CHD1L: variants seen among roughly 807,000 people sequenced by gnomAD.
The protein encoded by CHD1L is ATP-dependent chromatin remodeler CHD1L.
Under a neutral mutation model 115.9 loss-of-function variants are expected in CHD1L, and 118 were observed. That is an observed-to-expected ratio of 1.02 (90% CI 0.88 to 1.19). The LOEUF (loss-of-function observed/expected upper bound fraction) is 1.19, where lower values mean the gene tolerates loss of function less well. Ranked by LOEUF, CHD1L falls within the 50% of genes most tolerant of loss-of-function variation. The pLI is 0.00. For synonymous variants in CHD1L, 411 were observed against 387.1 expected (o/e 1.06, Z -0.72); for missense variants, 1,179 against 1,065.3 (o/e 1.11, Z -1.49).
In CHD1L at chr1:147,268,841, C is replaced by T; in HGVS notation, c.1048C>T (p.His350Tyr). The T allele has an allele frequency of 6.2e-7, 1 of 1,613,702 alleles. No homozygotes were observed. The highest frequency in any genetic ancestry group is 8.5e-7 in the Non-Finnish European group (1 of 1,179,726). ...DHLTEASGKL[H>Y]LLDKLLAFLY... is the part of the protein sequence containing the mutation. ...CCTGACTGAGGCTAGTGGGAAGCTT[C>T]ACCTGCTGGATAAGCTACTAGCATT... The change falls in exon 10 of 23, where the codon CAC (histidine) becomes TAC (tyrosine). Residue 350 changes from histidine to tyrosine, a missense_variant. By Grantham distance (83) the His-to-Tyr change is moderately conservative. Transcript: ENST00000369258.
At chr1:147,204,384 A>ATT in the CHD1L span, 1 of 1,066,564 alleles carries the variant, frequency 9.4e-7, no homozygotes, top group Non-Finnish European at 1.5e-6. Flanking sequence ...ATGCCTGAAC[A>ATT]ATAAGCTTGG....
intron 12 of CHD1L, among the ~76,000 whole-genome samples, chr1:147,273,664 T>G (rs1043914656): frequency 2.0e-5 from 3 of 152,226 alleles, no homozygotes; most frequent in Non-Finnish European, 2.9e-5. Flanking sequence ...CATCCTCATA[T>G]TCAGAGAGCA....
the CHD1L span, among the ~76,000 whole-genome samples, chr1:147,222,189 G>T: frequency 4.6e-5 from 7 of 152,142 alleles, no homozygotes; most frequent in Admixed American, 1.3e-4. Flanking sequence ...GGCCAACATG[G>T]TGAAACCCCA....
chr1:147,214,696 A>G, the CHD1L span: 7 of 152,140 alleles, frequency 4.6e-5, no homozygotes, highest in East Asian at 1.2e-3. Flanking sequence ...TGGGTTCAAC[A>G]TCTTTCCTCC....
chr1:147,249,225 T>C (rs1667580091), intron 1 of CHD1L, among the ~76,000 whole-genome samples: 1 of 152,168 alleles, frequency 6.6e-6, no homozygotes, highest in Non-Finnish European at 1.5e-5. Flanking sequence ...TCTTTCGATA[T>C]TTGAAACATG....
chr1:147,290,438 T>C (rs1296397119), intron 19 of CHD1L, among the ~76,000 whole-genome samples: 1 of 152,172 alleles, frequency 6.6e-6, no homozygotes, highest in Non-Finnish European at 1.5e-5. Context: ...GAATCAGTTA[T>C]CCTTGGCTAC....
At chr1:147,269,731 A>G (rs979025676) in intron 10 of CHD1L, among the ~76,000 whole-genome samples, 1 of 151,562 alleles carries the variant, frequency 6.6e-6, no homozygotes, top group Admixed American at 6.6e-5. Context: ...TTCAGCTTAT[A>G]CCTAATCCTC....
chr1:147,295,607 G>A lies in CHD1L; in HGVS notation c.*98G>A. On this transcript the variant is annotated 3_prime_UTR_variant, in exon 23 of 23. Coordinates refer to ENST00000369258, the MANE Select transcript of CHD1L (RefSeq NM_004284.6). Reference sequence around the variant, plus strand: ...TTCAAAATGGAATCAGGATCTGGTGGGCCTCAGAAATTGTCTCTTTTCTGA... The same window carrying A: ...TTCAAAATGGAATCAGGATCTGGTGAGCCTCAGAAATTGTCTCTTTTCTGA... 1 of 869,460 alleles carries A rather than the reference G, an allele frequency of 1.2e-6. No individual in the cohort carries two copies. The highest frequency in any genetic ancestry group is 1.7e-6 in the Non-Finnish European group (1 of 576,116). The allele number at this position is 869,460 out of a possible 1,614,324, so 53.9% of individuals were successfully genotyped here.
the CHD1L span, chr1:147,184,628 A>C: frequency 6.5e-7 from 1 of 1,540,930 alleles, no homozygotes; most frequent in Non-Finnish European, 8.7e-7. The surrounding 1 kb of genome is among the most constrained non-coding windows in gnomAD (Gnocchi z 4.4). Flanking sequence ...TCTCATGGTT[A>C]GACTGCATTA....
chr1:147,204,289 G>C, the CHD1L span: 1 of 977,848 alleles, frequency 1.0e-6, no homozygotes, highest in Non-Finnish European at 1.7e-6. Context: ...CAATACTGAA[G>C]AGGAAGTGAT....
the CHD1L span, chr1:147,201,260 G>A: frequency 2.9e-5 from 47 of 1,614,062 alleles, no homozygotes; most frequent in Non-Finnish European, 3.8e-5. Flanking sequence ...TCCAGGTTAG[G>A]AGGGAAGACC....
the CHD1L span, among the ~76,000 whole-genome samples, chr1:147,198,872 A>AAAAGAAAG: frequency 5.5e-4 from 79 of 144,674 alleles, no homozygotes; most frequent in Middle Eastern, 3.7e-3. Flanking sequence ...AAAAAAAAAA[A>AAAAGAAAG]AAAGAAAGAA....
intron 1 of CHD1L, among the ~76,000 whole-genome samples, chr1:147,244,577 C>A (rs1665980378): frequency 6.6e-6 from 1 of 151,980 alleles, no homozygotes; most frequent in African/African-American, 2.4e-5. Flanking sequence ...ATATTAATCT[C>A]CATAATCTCC....
chr1:147,259,914 C>A lies in CHD1L; in HGVS notation c.572C>A (p.Ser191Ter), dbSNP rs1671354451. ...AGCTCCCTGCTGCATAAGACCTTGT[C>A]AGAGGTAAACTTACAGTGTAGCCTT... ...NQSSLLHKTLSEFSVVFSLLL... is the reference protein window; with the variant it reads ...NQSSLLHKTL The change falls in exon 6 of 23, where the codon TCA becomes TAA. Residue 191 changes from serine to a stop codon, truncating the protein, a stop_gained. Transcript: ENST00000369258. LOFTEE classifies it high-confidence loss of function. 1 of 1,612,326 alleles carries A rather than the reference C, an allele frequency of 6.2e-7. No homozygotes were observed. The highest frequency in any genetic ancestry group is 1.3e-5 in the African/African-American group (1 of 74,884).
At chr1:147,211,729 A>C in the CHD1L span, among the ~76,000 whole-genome samples, 1 of 152,220 alleles carries the variant, frequency 6.6e-6, no homozygotes, top group African/African-American at 2.4e-5. Context: ...TTCTCAGTTC[A>C]AAGTCTGCTA....
chr1:147,267,357 A>T, intron 8 of CHD1L, 69 bp from the exon 9 acceptor site: 1 of 1,153,572 alleles, frequency 8.7e-7, no homozygotes, highest in Admixed American at 2.0e-5. Flanking sequence ...GTAAAAACTC[A>T]GGGTTTTGGT....
At chr1:147,255,702 T>C (rs981238970) in intron 3 of CHD1L, 111 bp from the exon 4 acceptor site, 88 of 662,604 alleles carry the variant, frequency 1.3e-4, no homozygotes, top group Non-Finnish European at 2.1e-4. Flanking sequence ...TTGTAGGACC[T>C]CATGAGTTCT....
At chr1:147,269,262 T>C (rs587604161) in intron 10 of CHD1L, among the ~76,000 whole-genome samples, 1 of 152,198 alleles carries the variant, frequency 6.6e-6, no homozygotes, top group Non-Finnish European at 1.5e-5. Context: ...TGGCATTGAA[T>C]TGACACATAA....
chr1:147,221,329 G>A, the CHD1L span, among the ~76,000 whole-genome samples: 4 of 152,034 alleles, frequency 2.6e-5, no homozygotes, highest in East Asian at 1.9e-4. Flanking sequence ...ATTTAAAAAC[G>A]TATCATACTA....
Sources: gnomAD v4.1 joint callset for allele counts (sites outside exome capture counted in the v4.1 genomes callset) on GRCh38, gnomAD v4.1.1 for gene constraint, Gnocchi (gnomAD v3.1) non-coding constraint, MANE v1.5 for transcripts, NCBI Gene and HGNC (gene_info 2026-07-23, HGNC 2026-07-21) for gene names.